Variants in MGMT observed in about 807,000 individuals in gnomAD.
The protein encoded by MGMT is O-6-methylguanine-DNA methyltransferase.
In MGMT, 14 loss-of-function variants were observed where a neutral mutation model predicts 15.9. That is an observed-to-expected ratio of 0.88 (90% CI 0.58 to 1.37). The LOEUF is 1.37. MGMT is among the 40% of genes most tolerant of loss of function. The pLI, the probability that MGMT is intolerant of heterozygous loss-of-function variation, is 0.00. For synonymous variants in MGMT, 130 were observed against 118.2 expected, an observed-to-expected ratio of 1.10 and a Z score of -0.65; for missense variants, 282 against 268.1, an observed-to-expected ratio of 1.05 and a Z score of -0.36.
At chr10:129,615,472 G>A (rs1170342020) in intron 2 of MGMT, among the ~76,000 whole-genome samples, 1 of 152,146 alleles carries the variant, frequency 6.6e-6, no homozygotes, top group Non-Finnish European at 1.5e-5. Flanking sequence ...GTCATCTGAC[G>A]GCGCCGGGCA....
chr10:129,657,004 A>T (rs1260059642), intron 2 of MGMT, among the ~76,000 whole-genome samples: 1 of 152,166 alleles, frequency 6.6e-6, no homozygotes, highest in Non-Finnish European at 1.5e-5. Context: ...TTTCTAAGAC[A>T]TCTAAAGCTG....
chr10:129,550,665 C>T (rs1232641351), intron 2 of MGMT, among the ~76,000 whole-genome samples: 6 of 152,068 alleles, frequency 3.9e-5, no homozygotes, highest in African/African-American at 7.2e-5. Flanking sequence ...AGGATGGTCT[C>T]GATCTCCTGA....
At chr10:129,670,261 A>G (rs542256164) in intron 2 of MGMT, among the ~76,000 whole-genome samples, 1 of 152,288 alleles carries the variant, frequency 6.6e-6, no homozygotes, top group South Asian at 2.1e-4. Context: ...AGTTTAGCCA[A>G]CTAATCCTTT....
chr10:129,581,850 A>G (rs1490624449), intron 2 of MGMT, among the ~76,000 whole-genome samples: 1 of 152,230 alleles, frequency 6.6e-6, no homozygotes, highest in Non-Finnish European at 1.5e-5. Context: ...CTGGCTAAGC[A>G]TTTGAAAGCA....
At chr10:129,622,632 A>G (rs1564739923) in intron 2 of MGMT, among the ~76,000 whole-genome samples, 1 of 152,214 alleles carries the variant, frequency 6.6e-6, no homozygotes, top group Non-Finnish European at 1.5e-5. Context: ...TTTAGTGTCC[A>G]ATAACATTAC....
Position 129,699,514 on chromosome 10 carries a change from C to A in MGMT, c.126-8381C>A, listed in dbSNP as rs907896794. On this transcript the variant is annotated intron_variant, in intron 2 of 4. Transcript: ENST00000651593. ...GACCACCCAGAAAGTAACTTGGAAC[C>A]TAACTTAATTTTAAATGGCCTCTTT... is the stretch of plus-strand genomic sequence containing the variant. Among the ~76,000 whole-genome samples, 2 of 151,986 alleles carry A rather than the reference C, an allele frequency of 1.3e-5. 1 individual carries two copies. Among genetic ancestry groups the A allele is most frequent in the South Asian group, 4.2e-4 (2 of 4,806 alleles).
intron 3 of MGMT, among the ~76,000 whole-genome samples, chr10:129,758,471 G>A (rs115760115): frequency 0.012 from 1,861 of 152,124 alleles, 41 homozygotes; most frequent in African/African-American, 0.042. Flanking sequence ...CTCTCCCACC[G>A]ACACCACTCC....
At chr10:129,525,129 C>G (rs969412670) in intron 1 of MGMT, among the ~76,000 whole-genome samples, 5 of 152,192 alleles carry the variant, frequency 3.3e-5, no homozygotes, top group Non-Finnish European at 2.9e-5. Flanking sequence ...CTTTCACACA[C>G]ACACACAGCA....
intron 2 of MGMT, among the ~76,000 whole-genome samples, chr10:129,692,580 G>T (rs1847981823): frequency 1.3e-5 from 2 of 152,328 alleles, no homozygotes; most frequent in African/African-American, 2.4e-5. Flanking sequence ...CAACAGATAT[G>T]AGCCAAGTGG....
At chr10:129,666,225 G>A (rs1847657475) in intron 2 of MGMT, among the ~76,000 whole-genome samples, 3 of 152,096 alleles carry the variant, frequency 2.0e-5, no homozygotes, top group Non-Finnish European at 4.4e-5. Flanking sequence ...AACTATTTCA[G>A]TGTTCTAGAT....
At chr10:129,536,399 C>G in intron 2 of MGMT, 22 bp downstream of exon 2, 2 of 1,604,608 alleles carry the variant, frequency 1.2e-6, no homozygotes, top group Non-Finnish European at 1.7e-6. Flanking sequence ...CCCACGTGAT[C>G]CTGTATACCG....
At chr10:129,486,171 T>G in intron 1 of MGMT, among the ~76,000 whole-genome samples, 1 of 131,808 alleles carries the variant, frequency 7.6e-6, no homozygotes, top group East Asian at 2.1e-4. Flanking sequence ...TGTTCTCTTC[T>G]CTTCTCTTTT....
chr10:129,600,444 T>C (rs553736151), intron 2 of MGMT, among the ~76,000 whole-genome samples: 1 of 152,300 alleles, frequency 6.6e-6, no homozygotes, highest in African/African-American at 2.4e-5. Context: ...CATTCAGCAG[T>C]CACCCATTCT....
At chr10:129,525,826 C>T (rs1253973471) in intron 1 of MGMT, among the ~76,000 whole-genome samples, 8 of 152,122 alleles carry the variant, frequency 5.3e-5, no homozygotes, top group African/African-American at 1.4e-4. Context: ...TGCGTGTAGC[C>T]GGGTTCACAG....
intron 1 of MGMT, among the ~76,000 whole-genome samples, chr10:129,502,640 C>T (rs1456239653): frequency 2.6e-5 from 4 of 152,040 alleles, no homozygotes; most frequent in Non-Finnish European, 5.9e-5. Context: ...GAATTTTTTC[C>T]CCTGCATGAA....
rs1407243363 is a variant in MGMT, at chr10:129,657,707, G to GCACGCACA, written c.126-50185_126-50184insGCACACAC. On this transcript the variant is annotated intron_variant, in intron 2 of 4. Coordinates refer to ENST00000651593, the MANE Select transcript of MGMT (RefSeq NM_002412.5). ...CACACACACACACACACACACACAC[G>GCACGCACA]CACACACACACACACACACACCCCC... Among the ~76,000 whole-genome samples the GCACGCACA allele has an allele frequency of 6.6e-3, 732 of 111,556 alleles. 7 individuals carry two copies. Among genetic ancestry groups the GCACGCACA allele is most frequent in the African/African-American group, 0.023 (694 of 30,836 alleles). The allele number at this position is 111,556 out of a possible 152,430, so 73.2% of individuals were successfully genotyped here. A position where few individuals can be genotyped will look rare whatever the true frequency, so the allele number is the denominator to read the frequency against.
intron 2 of MGMT, among the ~76,000 whole-genome samples, chr10:129,541,958 G>A (rs554281734): frequency 4.5e-4 from 69 of 152,290 alleles, no homozygotes; most frequent in African/African-American, 1.6e-3. Flanking sequence ...TGGCTGGCTG[G>A]ACAGATAGGG....
At chr10:129,675,272 A>G (rs2133115641) in intron 2 of MGMT, among the ~76,000 whole-genome samples, 1 of 152,212 alleles carries the variant, frequency 6.6e-6, no homozygotes, top group African/African-American at 2.4e-5. Flanking sequence ...TCGAGTCCTC[A>G]CCCTGGCTGT....
rs141398278 is a variant in MGMT at position 129,675,170 on chromosome 10, C to T, written c.126-32725C>T. 4.8e-3 allele frequency among the ~76,000 whole-genome samples: 730 copies of T among 152,244 alleles called. 6 individuals carry two copies. The highest frequency in any genetic ancestry group is 0.017 in the African/African-American group (695 of 41,540). The stretch of plus-strand genomic sequence containing the variant: ...ACAGAGGACCCAGCTGAGGGCCAGG[C>T]GGGAGCAAGGGCCCAGCACACTGGG... On this transcript the variant is annotated intron_variant, in intron 2 of 4. Coordinates refer to ENST00000651593, the MANE Select transcript of MGMT (RefSeq NM_002412.5).
Sources: allele counts gnomAD v4.1 joint callset (sites outside exome capture counted in the v4.1 genomes callset), GRCh38; gene constraint gnomAD v4.1.1; transcripts MANE v1.5; gene names NCBI Gene and HGNC (gene_info 2026-07-23, HGNC 2026-07-21).